DLC1: variants seen among roughly 807,000 people sequenced by gnomAD.
The protein encoded by DLC1 is DLC1 Rho GTPase activating protein, also known as rho GTPase-activating protein 7.
A neutral mutation model predicts 140.3 loss-of-function variants in DLC1; 54 were observed. The ratio of observed to expected loss-of-function variants is 0.38; its 90% CI spans 0.31 to 0.48. DLC1 has a LOEUF of 0.48. Among genes scored for constraint, DLC1 ranks in the 20% least tolerant of loss-of-function variants. The pLI is 0.96. For missense variants in DLC1, 2,536 were observed against 1,907.0 expected (o/e 1.33, Z -6.14); for synonymous variants, 986 against 728.1 (o/e 1.35, Z -5.70).
chr8:13,444,874 A>G (rs1342723683), intron 2 of DLC1, among the ~76,000 whole-genome samples: 2 of 152,234 alleles, frequency 1.3e-5, no homozygotes, highest in Non-Finnish European at 2.9e-5. Flanking sequence ...AATTACACAA[A>G]AAAGTGTAAG....
At chr8:13,338,667 C>A (rs967409784) in intron 4 of DLC1, 2 of 152,156 alleles carry the variant, frequency 1.3e-5, no homozygotes, top group Admixed American at 1.3e-4. Context: ...GTCCCCACAC[C>A]TCATCTGTAC....
chr8:13,204,207 C>T (rs968271635), intron 5 of DLC1, among the ~76,000 whole-genome samples: 2 of 152,102 alleles, frequency 1.3e-5, no homozygotes, highest in African/African-American at 4.8e-5. Context: ...ATTAGGATGA[C>T]GGGACCCGCG....
At position 13,325,981 on chromosome 8, in the gene DLC1, A is replaced by G. The variant is rs182038106; in HGVS notation, c.1315-20679T>C. Among the ~76,000 whole-genome samples the G allele has an allele frequency of 4.7e-4, 71 of 152,250 alleles. No homozygotes were observed. In the East Asian group the frequency reaches 0.012, roughly 26 times the overall value. On this transcript the variant is annotated intron_variant, in intron 4 of 17. Transcript: ENST00000276297. ...ATGACACTTGATATTGGCATTGCAT[A>G]GTAGAGGAAATGATTGACATTCAGT...
intron 5 of DLC1, among the ~76,000 whole-genome samples, chr8:13,151,238 A>G (rs1291538967): frequency 6.6e-6 from 1 of 152,216 alleles, no homozygotes; most frequent in Non-Finnish European, 1.5e-5. Flanking sequence ...TCACTCTGTC[A>G]ATTTAATGAA....
chr8:13,429,302 C>G (rs959586269), intron 2 of DLC1, among the ~76,000 whole-genome samples: 2 of 152,124 alleles, frequency 1.3e-5, no homozygotes, highest in Admixed American at 6.5e-5. Context: ...AGTTTGAAAA[C>G]CAGTGATGTA....
At chr8:13,180,847 G>T (rs1425716469) in intron 5 of DLC1, among the ~76,000 whole-genome samples, 1 of 151,932 alleles carries the variant, frequency 6.6e-6, no homozygotes, top group Non-Finnish European at 1.5e-5. Context: ...GTCTCAAATA[G>T]GTAAATCCTA....
At chr8:13,235,694 A>G (rs1270405941) in intron 5 of DLC1, among the ~76,000 whole-genome samples, 1 of 152,002 alleles carries the variant, frequency 6.6e-6, no homozygotes, top group Non-Finnish European at 1.5e-5. Flanking sequence ...TGCCCCAGAA[A>G]TCATTCTCTT....
Position 13,528,687 on chromosome 8 carries a change from C to T in DLC1, c.-125-28491G>A, listed in dbSNP as rs141823077. ...AGTAGCTATTTTATTTGGGGCCTTGCTGAGCTGCAAGTTTTTTAATGAGTT... is the reference window on the plus strand; with the variant it reads ...AGTAGCTATTTTATTTGGGGCCTTGTTGAGCTGCAAGTTTTTTAATGAGTT... On this transcript the variant is annotated intron_variant, in intron 1 of 1. Coordinates refer to the DLC1 transcript ENST00000631382. 3.6e-3 allele frequency among the ~76,000 whole-genome samples: 545 copies of T among 152,222 alleles called. 2 individuals carry two copies. The highest frequency in any genetic ancestry group is 0.012 in the African/African-American group (512 of 41,542).
chr8:13,248,004 T>C (rs1829836596), intron 5 of DLC1, among the ~76,000 whole-genome samples: 1 of 152,242 alleles, frequency 6.6e-6, no homozygotes. Flanking sequence ...ATGCATCGGC[T>C]GTCTACAATG....
At chr8:13,528,428 C>T (rs769276704) in intron 1 of DLC1, among the ~76,000 whole-genome samples, 2 of 152,082 alleles carry the variant, frequency 1.3e-5, no homozygotes, top group Non-Finnish European at 2.9e-5. Flanking sequence ...GTAGCAAAAA[C>T]GTTGCCAAAA....
At chr8:13,431,382 C>A (rs939074735) in intron 2 of DLC1, among the ~76,000 whole-genome samples, 2 of 140,346 alleles carry the variant, frequency 1.4e-5, no homozygotes, top group African/African-American at 5.3e-5. Context: ...ACTCGGGAGG[C>A]TGAGGCAGGA....
chr8:13,268,988 C>G (rs1470297493), intron 5 of DLC1, among the ~76,000 whole-genome samples: 1 of 151,394 alleles, frequency 6.6e-6, no homozygotes, highest in African/African-American at 2.4e-5. Flanking sequence ...CATTCTCCTG[C>G]CTCAGCCTCC....
chr8:13,510,735 C>T (rs552485848), intron 1 of DLC1, among the ~76,000 whole-genome samples: 1 of 152,238 alleles, frequency 6.6e-6, no homozygotes, highest in African/African-American at 2.4e-5. Context: ...TCTCACTGGC[C>T]TCATGTAACT....
chr8:13,577,878 G>A (rs1217717541), intron 1 of DLC1, among the ~76,000 whole-genome samples: 1 of 152,008 alleles, frequency 6.6e-6, no homozygotes, highest in Non-Finnish European at 1.5e-5. Context: ...CATGACAATT[G>A]TTGCTTTATT....
At position 13,313,048 on chromosome 8, in the gene DLC1, CT is replaced by C. The variant is rs1832743600; in HGVS notation, c.1315-7747del. Among the ~76,000 whole-genome samples the C allele has an allele frequency of 2.0e-5, 3 of 152,234 alleles. No homozygotes were observed. In the South Asian group the frequency reaches 6.2e-4, roughly 32 times the overall value. ...TTTGTCCATGAAGTCTGAATAGTAGCTTTTTGCTGGTGTGAAATGCTCCTTC... is the reference window on the plus strand; with the variant it reads ...TTTGTCCATGAAGTCTGAATAGTAGCTTTTGCTGGTGTGAAATGCTCCTTC... On this transcript the variant is annotated intron_variant, in intron 4 of 17. Transcript: ENST00000276297.
At chr8:13,432,624 C>G (rs940694616) in intron 2 of DLC1, among the ~76,000 whole-genome samples, 1 of 152,138 alleles carries the variant, frequency 6.6e-6, no homozygotes, top group East Asian at 1.9e-4. Context: ...ATCTCTTCTG[C>G]CCATAGGAAG....
intron 4 of DLC1, among the ~76,000 whole-genome samples, chr8:13,316,487 G>C (rs1346206604): frequency 6.6e-6 from 1 of 151,982 alleles, no homozygotes; most frequent in African/African-American, 2.4e-5. Flanking sequence ...GTCCCAGTCT[G>C]GATGATAATT....
intron 4 of DLC1, among the ~76,000 whole-genome samples, chr8:13,361,330 C>A (rs577414601): frequency 1.3e-5 from 2 of 152,044 alleles, no homozygotes; most frequent in African/African-American, 4.8e-5. Flanking sequence ...TAATAGCTCA[C>A]TGTAGCCTCG....
rs117929728 is a variant in DLC1, at chr8:13,090,633, C to G, written c.3856-163G>C. Among the ~76,000 whole-genome samples, 1,203 of 152,210 alleles carry G rather than the reference C, an allele frequency of 7.9e-3. 11 individuals are homozygous for G. The highest frequency in any genetic ancestry group is 0.011 in the Non-Finnish European group (766 of 68,018). On this transcript the variant is annotated intron_variant, in intron 14 of 17. Coordinates refer to ENST00000276297, the MANE Select transcript of DLC1 (RefSeq NM_182643.3). ...ATCATGCTGACCGCACGTGTTATCACGAGGATATGAACAGATCACCTCCAT... is the reference window on the plus strand; with the variant it reads ...ATCATGCTGACCGCACGTGTTATCAGGAGGATATGAACAGATCACCTCCAT...
Sources: allele counts gnomAD v4.1 joint callset (sites outside exome capture counted in the v4.1 genomes callset), GRCh38; gene constraint gnomAD v4.1.1; transcripts MANE v1.5; gene names NCBI Gene and HGNC (gene_info 2026-07-23, HGNC 2026-07-21).